CDH19: variants seen among roughly 807,000 people sequenced by gnomAD.
CDH19 encodes the protein cadherin-19.
In CDH19, 67 loss-of-function variants were observed where a neutral mutation model predicts 64.2. The observed-to-expected ratio is 1.04, with a 90% CI of 0.86 to 1.28. The LOEUF is 1.28. Ranked by LOEUF, CDH19 falls within the 50% of genes most tolerant of loss-of-function variation. The pLI is 0.00. For missense variants in CDH19, 1,030 were observed against 929.0 expected, an observed-to-expected ratio of 1.11 and a Z score of -1.41; for synonymous variants, 346 against 319.3, an observed-to-expected ratio of 1.08 and a Z score of -0.89.
chr18:66,589,716 C>G (rs1312698900), intron 1 of CDH19, among the ~76,000 whole-genome samples: 1 of 149,740 alleles, frequency 6.7e-6, no homozygotes, highest in Non-Finnish European at 1.5e-5. Context: ...AAACACAATC[C>G]TTCGTGAATG....
At chr18:66,521,827 G>A (rs1419601619) in intron 9 of CDH19, among the ~76,000 whole-genome samples, 3 of 151,988 alleles carry the variant, frequency 2.0e-5, no homozygotes, top group Admixed American at 2.0e-4. Context: ...GGGATAACAG[G>A]TGTCAGCCAT....
chr18:66,576,242 G>C (rs1988262690), intron 1 of CDH19, among the ~76,000 whole-genome samples: 1 of 151,348 alleles, frequency 6.6e-6, no homozygotes. Flanking sequence ...ATCAAAGTAT[G>C]AGATGAGGAT....
chr18:66,524,542 GTATATA>G (rs72219868), intron 9 of CDH19, among the ~76,000 whole-genome samples: 96 of 94,568 alleles, frequency 1.0e-3, no homozygotes, highest in East Asian at 4.9e-3. Flanking sequence ...ATGTTTGTGT[GTATATA>G]TATATATATA....
At chr18:66,573,081 C>T (rs941236420) in intron 1 of CDH19, among the ~76,000 whole-genome samples, 6 of 151,616 alleles carry the variant, frequency 4.0e-5, no homozygotes, top group Non-Finnish European at 8.9e-5. Flanking sequence ...TTGAGTTTTA[C>T]ATTTAAAACT....
chr18:66,578,342 G>C (rs998807898), intron 1 of CDH19, among the ~76,000 whole-genome samples: 1 of 151,924 alleles, frequency 6.6e-6, no homozygotes, highest in African/African-American at 2.4e-5. Flanking sequence ...ATATCACAAA[G>C]AGTTGACATG....
intron 3 of CDH19, among the ~76,000 whole-genome samples, chr18:66,567,133 A>G (rs570761739): frequency 1.3e-5 from 2 of 152,072 alleles, no homozygotes; most frequent in South Asian, 4.1e-4. Flanking sequence ...TCTTATTTGT[A>G]TATAACTAAA....
rs144971452 is a variant in CDH19, at chr18:66,550,151, C to T, written c.775+943G>A. Reference sequence around the variant, plus strand: ...CTTCCTAGCATGATAATTACTTATGCTTTCTGGAAGTGCTTATAAATGTAT... The same window carrying T: ...CTTCCTAGCATGATAATTACTTATGTTTTCTGGAAGTGCTTATAAATGTAT... On this transcript the variant is annotated intron_variant, in intron 5 of 11. Transcript: ENST00000262150. 4.6e-5 allele frequency among the ~76,000 whole-genome samples: 7 copies of T among 152,090 alleles called. No homozygotes were observed. In the East Asian group the frequency reaches 1.4e-3, roughly 29 times the overall value.
chr18:66,531,128 C>T (rs1308606996), intron 8 of CDH19, among the ~76,000 whole-genome samples: 2 of 152,070 alleles, frequency 1.3e-5, no homozygotes, highest in Non-Finnish European at 2.9e-5. Context: ...TTAAACTACA[C>T]ATATCTGTGA....
chr18:66,544,284 GA>G, intron 6 of CDH19, 60 bp from the exon 7 acceptor site: 2 of 1,508,060 alleles, frequency 1.3e-6, no homozygotes, highest in Non-Finnish European at 1.8e-6. Context: ...ATACTATTTA[GA>G]AAAAAGGTTT....
At chr18:66,554,593 G>T in intron 3 of CDH19, 69 bp from the exon 4 acceptor site, 1 of 1,335,930 alleles carries the variant, frequency 7.5e-7, no homozygotes, top group Non-Finnish European at 1.0e-6. Context: ...TCTGTGAAGC[G>T]GTCTTTCTTT....
rs771636477 is a variant in CDH19, at chr18:66,509,150, G to A, written c.1673C>T (p.Pro558Leu). The change falls in exon 11 of 12, where the codon CCG becomes CTG. Residue 558 changes from proline (P) to leucine (L), a missense_variant. Transcript: ENST00000262150. Reference sequence around the variant, plus strand: ...AAGGGTGTTTGTACTTGTAAGTGACGGGATTCCATTGTCGGCAATTAAGAT... The same window carrying A: ...AAGGGTGTTTGTACTTGTAAGTGACAGGATTCCATTGTCGGCAATTAAGAT... ...ISILIADNGI[P>L]SLTSTNTLTI... 1.5e-5 allele frequency: 24 copies of A among 1,612,780 alleles called. No individual in the cohort carries two copies. The highest frequency in any genetic ancestry group is 6.7e-5 in the Admixed American group (4 of 59,842).
At chr18:66,520,632 C>T (rs936458170) in intron 9 of CDH19, among the ~76,000 whole-genome samples, 21 of 151,736 alleles carry the variant, frequency 1.4e-4, no homozygotes, top group African/African-American at 4.6e-4. Flanking sequence ...TATATTTTAC[C>T]CATTCTACCT....
intron 1 of CDH19, among the ~76,000 whole-genome samples, chr18:66,592,521 C>T (rs553341081): frequency 6.6e-6 from 1 of 151,824 alleles, no homozygotes; most frequent in East Asian, 1.9e-4. Context: ...ATTAAACAAT[C>T]TTTCCCCATT....
rs761974589 is a variant in CDH19 at position 66,535,049 on chromosome 18, T to C, written c.1273A>G (p.Ser425Gly). The C allele has an allele frequency of 1.3e-6, 2 of 1,517,880 alleles. No homozygotes were observed. The highest frequency in any genetic ancestry group is 1.8e-6 in the Non-Finnish European group (2 of 1,115,696). The allele number at this position is 1,517,880 out of a possible 1,614,324, so 94.0% of individuals were successfully genotyped here. Residue 425 changes from serine to glycine, a missense_variant, in exon 8 of 12, where the codon AGT becomes GGT. By Grantham distance (56) the Ser-to-Gly change is moderately conservative (BLOSUM62 0). Coordinates refer to ENST00000262150, the MANE Select transcript of CDH19 (RefSeq NM_021153.4). The stretch of plus-strand genomic sequence containing the variant: ...CTGATTTCACGATCCAGTGAGTTAC[T>C]TGTAGTGATTGTACCATTATCATTG... ...NINDNGTITT[S>G]NSLDREISAW...
intron 8 of CDH19, among the ~76,000 whole-genome samples, 176 bp downstream of exon 8, chr18:66,534,810 T>C (rs1211253244): frequency 6.6e-6 from 1 of 151,970 alleles, no homozygotes; most frequent in African/African-American, 2.4e-5. Context: ...AGAAGGTATT[T>C]AGTGGTAAGC....
chr18:66,530,374 C>A lies in CDH19; in HGVS notation c.1337-408G>T, dbSNP rs976943621. ...TTTTACGGATAAAAAATTGATAAACCATTTAGTTTCAAAAATTACAGTTAA... is the reference window on the plus strand; with the variant it reads ...TTTTACGGATAAAAAATTGATAAACAATTTAGTTTCAAAAATTACAGTTAA... On this transcript the variant is annotated intron_variant, in intron 8 of 11. Coordinates refer to ENST00000262150, the MANE Select transcript of CDH19 (RefSeq NM_021153.4). Among the ~76,000 whole-genome samples the A allele has an allele frequency of 2.0e-5, 3 of 151,936 alleles. No homozygotes were observed. In the East Asian group the frequency reaches 5.8e-4, roughly 29 times the overall value.
chr18:66,533,645 G>A (rs189003737), intron 8 of CDH19, among the ~76,000 whole-genome samples: 3 of 151,870 alleles, frequency 2.0e-5, no homozygotes, highest in Admixed American at 6.6e-5. Context: ...TATTCACTTA[G>A]CTAGCATACT....
intron 3 of CDH19, among the ~76,000 whole-genome samples, chr18:66,559,794 C>T (rs981599605): frequency 4.0e-5 from 6 of 150,616 alleles, no homozygotes; most frequent in Middle Eastern, 3.5e-3. Flanking sequence ...AAACTGTAAC[C>T]TCTGCAAAAC....
At chr18:66,545,393 TTTC>T (rs1467406414) in intron 5 of CDH19, among the ~76,000 whole-genome samples, 1 of 149,504 alleles carries the variant, frequency 6.7e-6, no homozygotes, top group Non-Finnish European at 1.5e-5. Context: ...TTTTCCTTTC[TTTC>T]TTTCCTTCCT....
Sources: allele counts gnomAD v4.1 joint callset (sites outside exome capture counted in the v4.1 genomes callset), GRCh38; gene constraint gnomAD v4.1.1; transcripts MANE v1.5; gene names NCBI Gene and HGNC (gene_info 2026-07-23, HGNC 2026-07-21).